The following CDC42EP5 variants were observed in gnomAD, a reference collection of about 807,000 sequenced individuals.
CDC42EP5 encodes the protein CDC42 effector protein 5.
For missense variants in CDC42EP5, 269 were observed against 238.0 expected (o/e 1.13, Z -0.86); for synonymous variants, 118 against 123.3 (o/e 0.96, Z 0.28).
intron 2 of CDC42EP5, among the ~76,000 whole-genome samples, chr19:54,468,147 G>A (rs2084780517): frequency 6.6e-6 from 1 of 152,152 alleles, no homozygotes; most frequent in Non-Finnish European, 1.5e-5. Context: ...GGTAATGCTA[G>A]CGTTGGGGGG....
rs1055346804 is a variant in CDC42EP5 at position 54,465,690 on chromosome 19, C to A, written c.1-143G>T. 28 of 1,067,310 alleles carry A rather than the reference C, an allele frequency of 2.6e-5. No individual in the cohort carries two copies. In the African/African-American group the frequency reaches 4.7e-4, roughly 18 times the overall value. 66.1% of individuals were successfully genotyped at this position (1,067,310 alleles called of 1,614,324 possible). ...ACGGAGTCTCGCCCATGCTGGAGTT[C>A]AATGGCGCCATCCCGGCTCACCGCA... On this transcript the variant is annotated intron_variant, in intron 2 of 2. Transcript: ENST00000301200.
chr19:54,468,916 C>CTTCCT (rs1454378999), intron 2 of CDC42EP5, among the ~76,000 whole-genome samples: 1 of 64,378 alleles, frequency 1.6e-5, no homozygotes, highest in African/African-American at 4.3e-5. Context: ...TCCTTCCTTC[C>CTTCCT]TTCCTTCTTT....
intron 2 of CDC42EP5, among the ~76,000 whole-genome samples, chr19:54,466,366 G>A (rs1300731797): frequency 6.6e-6 from 1 of 152,170 alleles, no homozygotes; most frequent in Non-Finnish European, 1.5e-5. Context: ...CGGAGGCGGA[G>A]GTTGCAGGGA....
chr19:54,473,190 C>G lies in CDC42EP5; in HGVS notation c.-268G>C, dbSNP rs989465725. 6.5e-6 allele frequency: 1 copy of G among 152,844 alleles called. No individual in the cohort carries two copies. Among genetic ancestry groups the G allele is most frequent in the Admixed American group, 6.5e-5 (1 of 15,310 alleles). The allele number at this position is 152,844 out of a possible 1,614,324, so 9.5% of individuals were successfully genotyped here. ...ACAGGCCCCTCCCAGGCTTTCTTAT[C>G]CCCCAAAAGTTTGCCTCTAGGAGTT... On this transcript the variant is annotated 5_prime_UTR_variant, in exon 1 of 3. Coordinates refer to ENST00000301200, the MANE Select transcript of CDC42EP5 (RefSeq NM_145057.4).
chr19:54,465,524 G>A lies in CDC42EP5; in HGVS notation c.24C>T (p.Gly8=). MPVLKQL[G]PAQPKKRPDR... Reference sequence around the variant, plus strand: ...CAGGCCGCTTCTTGGGCTGCGCGGGGCCCAGCTGCTTCAGCACGGGCATCT... The same window carrying A: ...CAGGCCGCTTCTTGGGCTGCGCGGGACCCAGCTGCTTCAGCACGGGCATCT... The change falls in exon 3 of 3, where the codon GGC becomes GGT. Residue 8 remains glycine, a synonymous_variant. Transcript: ENST00000301200. The A allele has an allele frequency of 6.5e-7, 1 of 1,536,006 alleles. No homozygotes were observed. The highest frequency in any genetic ancestry group is 8.7e-7 in the Non-Finnish European group (1 of 1,153,504).
chr19:54,465,604 A>G (rs1761451757), intron 2 of CDC42EP5, 57 bp from the exon 3 acceptor site: 5 of 1,391,938 alleles, frequency 3.6e-6, no homozygotes, highest in Admixed American at 3.5e-5. Context: ...CAGCCACGCG[A>G]CTGCTCAAAG....
intron 1 of CDC42EP5, 105 bp from the exon 2 acceptor site, chr19:54,471,790 G>C (rs10405805): frequency 0.034 from 5,580 of 161,958 alleles, 196 homozygotes; most frequent in African/African-American, 0.081. Flanking sequence ...AGGCGTCCTA[G>C]ATCTTCGCTT....
chr19:54,465,302 G>A lies in CDC42EP5; in HGVS notation c.246C>T (p.Pro82=). 8.1e-7 allele frequency: 1 copy of A among 1,234,248 alleles called. No individual in the cohort carries two copies. The highest frequency in any genetic ancestry group is 1.0e-6 in the Non-Finnish European group (1 of 987,066). The allele number at this position is 1,234,248 out of a possible 1,614,324, so 76.5% of individuals were successfully genotyped here. ...PPPAVPQSAA[P]SPADPLLSFH... is the part of the protein sequence containing the mutation. ...AGGACAGCAGCGGGTCGGCAGGCGA[G>A]GGCGCTGCGGACTGCGGGACGGCGG... The change falls in exon 3 of 3, where the codon CCC becomes CCT. Residue 82 remains proline (P), a synonymous_variant. Coordinates refer to ENST00000301200, the MANE Select transcript of CDC42EP5 (RefSeq NM_145057.4).
At position 54,465,219 on chromosome 19, in the gene CDC42EP5, G is replaced by C. The variant is rs78611575; in HGVS notation, c.329C>G (p.Ala110Gly). The C allele has an allele frequency of 2.5e-3, 3,650 of 1,440,458 alleles. 6 individuals carry two copies. The highest frequency in any genetic ancestry group is 3.1e-3 in the Non-Finnish European group (3,458 of 1,100,960). The allele number at this position is 1,440,458 out of a possible 1,614,324, so 89.2% of individuals were successfully genotyped here. ...CTTGGCGGCAGCCGCCTCCGGGCGC[G>C]CCGCGTCCATGACGCCCAGCACCGC... ...LDAVLGVMDA[A>G]RPEAAAAKPD... Residue 110 changes from alanine to glycine, a missense_variant, in exon 3 of 3, where the codon GCG becomes GGG. By Grantham distance (60) the Ala-to-Gly change is moderately conservative (BLOSUM62 0). Coordinates refer to ENST00000301200, the MANE Select transcript of CDC42EP5 (RefSeq NM_145057.4).
chr19:54,471,841 C>A (rs2084840738), intron 1 of CDC42EP5, among the ~76,000 whole-genome samples, 156 bp from the exon 2 acceptor site: 1 of 151,256 alleles, frequency 6.6e-6, no homozygotes, highest in Non-Finnish European at 1.5e-5. Flanking sequence ...GGGCCCCCAG[C>A]CCCTTCTTCC....
chr19:54,467,286 TA>T (rs111920581), intron 2 of CDC42EP5, among the ~76,000 whole-genome samples: 12 of 145,270 alleles, frequency 8.3e-5, no homozygotes, highest in Non-Finnish European at 1.2e-4. Context: ...CCATCTCTAC[TA>T]AAAAAAAAAT....
chr19:54,465,055 A>T lies in CDC42EP5; in HGVS notation c.*46T>A, dbSNP rs1184458656. On this transcript the variant is annotated 3_prime_UTR_variant, in exon 3 of 3. Transcript: ENST00000301200. ...GCACACACCTTGGCCGTTTATGTAT[A>T]CAGAAGTGGGGTGCCGGGCGGGAAG... The T allele has an allele frequency of 7.8e-7, 1 of 1,286,220 alleles. No homozygotes were observed. Among genetic ancestry groups the T allele is most frequent in the Non-Finnish European group, 9.9e-7 (1 of 1,012,818 alleles). 79.7% of individuals were successfully genotyped at this position (1,286,220 alleles called of 1,614,324 possible). A position where few individuals can be genotyped will look rare whatever the true frequency, so the allele number is the denominator to read the frequency against.
rs1362741622 is a variant in CDC42EP5, at chr19:54,466,786, G to C, written c.1-1239C>G. ...TATGCATTATAAGTAATCTAGAGAT[G>C]ATTTAAAGTGTAGGAGAGGATGTAC... is the stretch of plus-strand genomic sequence containing the variant. On this transcript the variant is annotated intron_variant, in intron 2 of 2. Transcript: ENST00000301200. Among the ~76,000 whole-genome samples the C allele has an allele frequency of 2.0e-5, 3 of 152,272 alleles. No homozygotes were observed. The East Asian group carries it at 5.8e-4, about 29-fold the overall frequency.
rs748028898 is a variant in CDC42EP5 at position 54,465,084 on chromosome 19, G to A, written c.*17C>T. 5 of 1,314,648 alleles carry A rather than the reference G, an allele frequency of 3.8e-6. No individual in the cohort carries two copies. Among genetic ancestry groups the A allele is most frequent in the Non-Finnish European group, 4.9e-6 (5 of 1,030,778 alleles). The allele number at this position is 1,314,648 out of a possible 1,614,324, so 81.4% of individuals were successfully genotyped here. A position where few individuals can be genotyped will look rare whatever the true frequency, so the allele number is the denominator to read the frequency against. The stretch of plus-strand genomic sequence containing the variant: ...AAGTGGGGTGCCGGGCGGGAAGGGC[G>A]CGGGGAATGAGGGAACCTAGAGGCC... On this transcript the variant is annotated 3_prime_UTR_variant, in exon 3 of 3. Coordinates refer to ENST00000301200, the MANE Select transcript of CDC42EP5 (RefSeq NM_145057.4).
Position 54,473,156 on chromosome 19 carries a change from G to A in CDC42EP5, c.-234C>T, listed in dbSNP as rs2123308541. On this transcript the variant is annotated 5_prime_UTR_variant, in exon 1 of 3. Transcript: ENST00000301200. ...CACCGCCCAGTCCCCAGGCAGAGAG[G>A]GTTTTGGCACAGGCCCCTCCCAGGC... is the stretch of plus-strand genomic sequence containing the variant. 6.5e-6 allele frequency: 1 copy of A among 153,128 alleles called. No individual in the cohort carries two copies. The highest frequency in any genetic ancestry group is 2.4e-5 in the African/African-American group (1 of 41,592). 9.5% of individuals were successfully genotyped at this position (153,128 alleles called of 1,614,324 possible).
chr19:54,468,753 T>C (rs2084788342), intron 2 of CDC42EP5, among the ~76,000 whole-genome samples: 1 of 150,896 alleles, frequency 6.6e-6, no homozygotes, highest in Admixed American at 6.6e-5. Context: ...GGTTTCACCA[T>C]GTTGCCCAGG....
Position 54,465,363 on chromosome 19 carries a change from G to C in CDC42EP5, c.185C>G (p.Ala62Gly). The C allele has an allele frequency of 8.6e-7, 1 of 1,157,098 alleles. No homozygotes were observed. Among genetic ancestry groups the C allele is most frequent in the Non-Finnish European group, 1.1e-6 (1 of 939,908 alleles). The allele number at this position is 1,157,098 out of a possible 1,614,324, so 71.7% of individuals were successfully genotyped here. ...HGGGPPPEPR[A>G]PPAGAPRSPP... ...GGAGCGCGGGGCCCCCGCGGGGGGC[G>C]CCCGGGGCTCGGGGGGCGGCCCGCC... The change falls in exon 3 of 3, where the codon GCG becomes GGG. Residue 62 changes from alanine to glycine, a missense_variant. Ala to Gly is a moderately conservative substitution (Grantham distance 60). Transcript: ENST00000301200.
intron 2 of CDC42EP5, among the ~76,000 whole-genome samples, chr19:54,471,207 C>G (rs112526347): frequency 0.15 from 22,103 of 152,150 alleles, 2,038 homozygotes; most frequent in Middle Eastern, 0.28. Context: ...CCGGGCCGCG[C>G]GTTCTCCCCC....
At chr19:54,467,440 A>T (rs2084770185) in intron 2 of CDC42EP5, among the ~76,000 whole-genome samples, 1 of 151,578 alleles carries the variant, frequency 6.6e-6, no homozygotes, top group East Asian at 2.0e-4. Flanking sequence ...GTGACAGAGT[A>T]TGACTCTGTC....
Sources: gnomAD v4.1 joint callset for allele counts (sites outside exome capture counted in the v4.1 genomes callset) on GRCh38, gnomAD v4.1.1 for gene constraint, MANE v1.5 for transcripts, NCBI Gene and HGNC (gene_info 2026-07-23, HGNC 2026-07-21) for gene names.